The following COMMD10 variants were observed in gnomAD, a reference collection of about 807,000 sequenced individuals.
COMMD10 encodes COMM domain-containing protein 10.
Under a neutral mutation model 28.9 loss-of-function variants are expected in COMMD10, and 33 were observed. That is an observed-to-expected ratio of 1.14 (90% CI 0.87 to 1.53). COMMD10 has a LOEUF of 1.53. COMMD10 is among the 40% of genes most tolerant of loss of function. COMMD10 has a pLI of 0.00. For synonymous variants in COMMD10, 110 were observed against 81.7 expected (o/e 1.35, Z -1.87); for missense variants, 310 against 233.4 (o/e 1.33, Z -2.14).
intron 5 of COMMD10, among the ~76,000 whole-genome samples, chr5:116,245,917 A>G (rs1480146010): frequency 6.6e-6 from 1 of 152,180 alleles, no homozygotes; most frequent in East Asian, 1.9e-4. Context: ...CCCCTTAAAA[A>G]TTGGCACAAA....
chr5:116,164,194 G>A (rs1017928931), intron 5 of COMMD10, among the ~76,000 whole-genome samples: 2 of 152,026 alleles, frequency 1.3e-5, no homozygotes, highest in East Asian at 1.9e-4. Flanking sequence ...GGTGGCGCAC[G>A]CCTATAATCC....
At chr5:116,182,709 C>G (rs1420688322) in intron 5 of COMMD10, among the ~76,000 whole-genome samples, 1 of 152,028 alleles carries the variant, frequency 6.6e-6, no homozygotes, top group Non-Finnish European at 1.5e-5. Flanking sequence ...AAAATTCTAT[C>G]TCCAAGTGGA....
intron 5 of COMMD10, among the ~76,000 whole-genome samples, chr5:116,194,696 A>G (rs1265612970): frequency 6.6e-6 from 1 of 152,178 alleles, no homozygotes; most frequent in Non-Finnish European, 1.5e-5. Flanking sequence ...TACCAACAAG[A>G]GAAGTCCAGG....
intron 5 of COMMD10, among the ~76,000 whole-genome samples, chr5:116,173,319 T>C (rs1753398290): frequency 1.3e-5 from 2 of 152,258 alleles, no homozygotes; most frequent in South Asian, 4.1e-4. Flanking sequence ...TTAGTTATAT[T>C]CAATTTTCCA....
intron 5 of COMMD10, among the ~76,000 whole-genome samples, chr5:116,209,192 T>C (rs573059861): frequency 3.9e-5 from 6 of 152,300 alleles, no homozygotes; most frequent in South Asian, 2.1e-4. Flanking sequence ...TTTTTTCTTA[T>C]AATTCCATGT....
chr5:116,212,405 T>A lies in COMMD10; in HGVS notation c.510+78227T>A, dbSNP rs76806661. Among the ~76,000 whole-genome samples, 857 of 152,016 alleles carry A rather than the reference T, an allele frequency of 5.6e-3. 35 individuals carry two copies. The highest frequency in any genetic ancestry group is 0.038 in the East Asian group (194 of 5,164). On this transcript the variant is annotated intron_variant, in intron 5 of 6. Coordinates refer to ENST00000274458, the MANE Select transcript of COMMD10 (RefSeq NM_016144.4). ...GTGGTAGTCCTTCTGTATTGGGGCT[T>A]TTTGCAGAGGATTGGGGCTTTTTGC...
chr5:116,168,403 A>C (rs1457680177), intron 5 of COMMD10, among the ~76,000 whole-genome samples: 1 of 151,946 alleles, frequency 6.6e-6, no homozygotes, highest in African/African-American at 2.4e-5. Context: ...CTTTAACACC[A>C]CACTTTCGAT....
intron 5 of COMMD10, among the ~76,000 whole-genome samples, chr5:116,158,538 G>A (rs117965168): frequency 1.8e-5 from 2 of 109,198 alleles, no homozygotes; most frequent in East Asian, 5.9e-4. Flanking sequence ...GTGCAATGGC[G>A]TGATCATAGC....
At chr5:116,234,488 C>T (rs1216405726) in intron 5 of COMMD10, among the ~76,000 whole-genome samples, 10 of 152,110 alleles carry the variant, frequency 6.6e-5, no homozygotes, top group Non-Finnish European at 1.5e-4. Flanking sequence ...TAATGTAATG[C>T]ATATGGCTTT....
chr5:116,161,022 G>C (rs10057003), intron 5 of COMMD10, among the ~76,000 whole-genome samples: 48,675 of 151,882 alleles, frequency 0.32, 11,081 homozygotes, highest in African/African-American at 0.65. Context: ...AAATAGTAGG[G>C]CTTTGAAAAA....
intron 5 of COMMD10, among the ~76,000 whole-genome samples, chr5:116,258,395 C>G (rs924389043): frequency 2.0e-5 from 3 of 151,346 alleles, no homozygotes; most frequent in African/African-American, 4.9e-5. Context: ...ATTTAGCTTC[C>G]TACTTTTTGG....
intron 5 of COMMD10, among the ~76,000 whole-genome samples, chr5:116,139,095 A>T (rs1357513728): frequency 1.3e-5 from 2 of 151,724 alleles, no homozygotes; most frequent in Non-Finnish European, 3.0e-5. Context: ...TCACCTTGTT[A>T]ATTTAATAAC....
chr5:116,269,169 C>T (rs1037875690), intron 5 of COMMD10, among the ~76,000 whole-genome samples: 1 of 151,774 alleles, frequency 6.6e-6, no homozygotes, highest in Non-Finnish European at 1.5e-5. Context: ...ATTTTTCCCA[C>T]GTTTATGTTT....
chr5:116,207,233 T>C (rs1748836179), intron 5 of COMMD10, among the ~76,000 whole-genome samples: 1 of 152,232 alleles, frequency 6.6e-6, no homozygotes, highest in African/African-American at 2.4e-5. Flanking sequence ...ATTTAATTTT[T>C]AGGAGTTATA....
intron 5 of COMMD10, among the ~76,000 whole-genome samples, chr5:116,199,875 TGGCTTTCTTCTTC>T (rs1748619357): frequency 6.6e-6 from 1 of 152,144 alleles, no homozygotes; most frequent in Non-Finnish European, 1.5e-5. Context: ...GCACCATGCC[TGGCTTTCTTCTTC>T]ACTTTTAAAG....
intron 4 of COMMD10, among the ~76,000 whole-genome samples, chr5:116,111,080 T>C (rs1447365611): frequency 6.6e-6 from 1 of 152,228 alleles, no homozygotes; most frequent in Non-Finnish European, 1.5e-5. Context: ...TTGTTCATAA[T>C]AGTCTCTGAT....
chr5:116,197,712 T>C (rs917847163), intron 5 of COMMD10, among the ~76,000 whole-genome samples: 2 of 152,082 alleles, frequency 1.3e-5, no homozygotes, highest in Non-Finnish European at 2.9e-5. Flanking sequence ...AAACAGAAAA[T>C]TCATGAAAGG....
At chr5:116,125,755 A>G (rs1751607076) in intron 4 of COMMD10, among the ~76,000 whole-genome samples, 1 of 152,014 alleles carries the variant, frequency 6.6e-6, no homozygotes, top group Non-Finnish European at 1.5e-5. Context: ...GTTTCTTTTT[A>G]TTCTTTTTTC....
chr5:116,291,233 G>T (rs1051313602), intron 5 of COMMD10, among the ~76,000 whole-genome samples: 31 of 152,118 alleles, frequency 2.0e-4, no homozygotes, highest in Non-Finnish European at 3.8e-4. Context: ...TCTCTGTCTT[G>T]AAAAAATTAG....
Sources: allele counts gnomAD v4.1 joint callset (sites outside exome capture counted in the v4.1 genomes callset), GRCh38; gene constraint gnomAD v4.1.1; transcripts MANE v1.5; gene names NCBI Gene and HGNC (gene_info 2026-07-23, HGNC 2026-07-21).